PASD1: variants seen among roughly 807,000 people sequenced by gnomAD.
The protein encoded by PASD1 is circadian clock protein PASD1.
A neutral mutation model predicts 58.8 loss-of-function variants in PASD1; 13 were observed. The observed-to-expected ratio is 0.22, with a 90% CI of 0.14 to 0.35. PASD1 has a LOEUF of 0.35. Among genes scored for constraint, PASD1 ranks in the 10% least tolerant of loss-of-function variants. The pLI is 1.00. For synonymous variants in PASD1, 236 were observed against 216.7 expected, an observed-to-expected ratio of 1.09 and a Z score of -0.78; for missense variants, 734 against 568.3, an observed-to-expected ratio of 1.29 and a Z score of -2.96.
intron 1 of PASD1, among the ~76,000 whole-genome samples, chrX:151,576,969 A>G (rs995754356): frequency 3.6e-5 from 4 of 111,586 alleles, no homozygotes; most frequent in Admixed American, 9.5e-5. Flanking sequence ...TTCTCACCCA[A>G]CTCTTTCAAA....
chrX:151,579,415 G>C (rs886327334), intron 1 of PASD1, among the ~76,000 whole-genome samples: 6 of 111,799 alleles, frequency 5.4e-5, no homozygotes, highest in Admixed American at 2.9e-4. Flanking sequence ...AGTAATAATA[G>C]AAGTTTTAAA....
intron 1 of PASD1, among the ~76,000 whole-genome samples, chrX:151,578,539 G>T (rs2124227745): frequency 8.9e-6 from 1 of 112,495 alleles, no homozygotes; most frequent in African/African-American, 3.2e-5. Flanking sequence ...TGGCAGGTTT[G>T]AAGGCATCAA....
At chrX:151,667,802 A>G (rs1389286061) in intron 11 of PASD1, among the ~76,000 whole-genome samples, 1 of 112,001 alleles carries the variant, frequency 8.9e-6, no homozygotes, top group East Asian at 2.8e-4. Context: ...TATAGTTTGA[A>G]GTCAGGTAGC....
At chrX:151,646,003 C>T (rs1277182764) in intron 8 of PASD1, among the ~76,000 whole-genome samples, 2 of 110,387 alleles carry the variant, frequency 1.8e-5, no homozygotes, top group Non-Finnish European at 3.8e-5. Flanking sequence ...CTTGACCTCC[C>T]CGGCTCAAGT....
chrX:151,675,231 G>T (rs930281236), intron 15 of PASD1, among the ~76,000 whole-genome samples: 2 of 111,815 alleles, frequency 1.8e-5, no homozygotes, highest in African/African-American at 3.3e-5. Context: ...GACCAAGTCG[G>T]AGCTTTCCTG....
intron 1 of PASD1, among the ~76,000 whole-genome samples, chrX:151,598,277 T>C (rs1365857836): frequency 8.9e-6 from 1 of 111,997 alleles, no homozygotes; most frequent in Non-Finnish European, 1.9e-5. Flanking sequence ...TATTGATTTC[T>C]AATTTAATTG....
At chrX:151,570,462 TA>T (rs2012912064) in intron 1 of PASD1, among the ~76,000 whole-genome samples, 2 of 112,453 alleles carry the variant, frequency 1.8e-5, no homozygotes, top group Admixed American at 1.9e-4. Flanking sequence ...AATTTCCTTT[TA>T]AAAAATGAAA....
intron 3 of PASD1, among the ~76,000 whole-genome samples, chrX:151,607,702 T>C (rs1017127197): frequency 1.8e-5 from 2 of 112,067 alleles, no homozygotes; most frequent in Non-Finnish European, 3.8e-5. Flanking sequence ...ACACCCAGGA[T>C]GTTAGCAATT....
chrX:151,600,269 G>A (rs2013396021), intron 1 of PASD1, among the ~76,000 whole-genome samples: 1 of 108,267 alleles, frequency 9.2e-6, no homozygotes, highest in East Asian at 2.9e-4. Flanking sequence ...AGAGAGACGA[G>A]GGAGAGGGAG....
At chrX:151,575,898 C>G (rs923048648) in intron 1 of PASD1, among the ~76,000 whole-genome samples, 5 of 110,767 alleles carry the variant, frequency 4.5e-5, no homozygotes, top group Non-Finnish European at 9.5e-5. Flanking sequence ...GAGTCTCACC[C>G]TGTCACCCAA....
At chrX:151,568,091 C>T (rs2012874235) in intron 1 of PASD1, among the ~76,000 whole-genome samples, 1 of 112,278 alleles carries the variant, frequency 8.9e-6, no homozygotes, top group African/African-American at 3.2e-5. Context: ...TGAAACTTTA[C>T]ATTTGCCCCT....
intron 8 of PASD1, among the ~76,000 whole-genome samples, chrX:151,643,214 C>G (rs1170571793): frequency 8.9e-6 from 1 of 111,902 alleles, no homozygotes; most frequent in Non-Finnish European, 1.9e-5. Context: ...GGAAAATTTC[C>G]TATTAGCAGA....
At chrX:151,583,244 CATG>C (rs1410598721) in intron 1 of PASD1, among the ~76,000 whole-genome samples, 2 of 112,244 alleles carry the variant, frequency 1.8e-5, no homozygotes, top group African/African-American at 6.5e-5. Context: ...CCATTTTCCT[CATG>C]TGTAAAATGG....
At chrX:151,636,871 A>C (rs1189798982) in intron 8 of PASD1, among the ~76,000 whole-genome samples, 1 of 110,976 alleles carries the variant, frequency 9.0e-6, no homozygotes, top group Non-Finnish European at 1.9e-5. Flanking sequence ...CCCTCAAAAA[A>C]CTTCCTTGTC....
intron 15 of PASD1, among the ~76,000 whole-genome samples, chrX:151,674,938 T>C (rs996375705): frequency 4.5e-5 from 5 of 111,837 alleles, no homozygotes; most frequent in Middle Eastern, 4.7e-3. Flanking sequence ...TATTTTCACA[T>C]ATACCCCTTG....
intron 3 of PASD1, among the ~76,000 whole-genome samples, chrX:151,605,036 G>A (rs187028109): frequency 1.0e-3 from 112 of 112,016 alleles, no homozygotes; most frequent in African/African-American, 3.4e-3. Flanking sequence ...TTATCTGGTA[G>A]ACTAGTTCAA....
chrX:151,625,564 C>G (rs376588842), intron 8 of PASD1, 34 bp downstream of exon 8: 8 of 1,043,793 alleles, frequency 7.7e-6, no homozygotes, highest in Non-Finnish European at 9.2e-6. Flanking sequence ...TAATGAAGAT[C>G]TAGAATTCAA....
rs1364335489 is a variant in PASD1 at position 151,563,824 on chromosome X, GA to G, written c.-41del. 1 of 112,357 alleles carries G rather than the reference GA, an allele frequency of 8.9e-6. No homozygotes were observed. Among genetic ancestry groups the G allele is most frequent in the East Asian group, 2.8e-4 (1 of 3,547 alleles). 9.3% of individuals were successfully genotyped at this position (112,357 alleles called of 1,213,427 possible). A position where few individuals can be genotyped will look rare whatever the true frequency, so the allele number is the denominator to read the frequency against. ...CCAAGTCCCTGCGGCCTCCAGCAGT[GA>G]AGAGTTCCACAAGGGTGAGTGAAGT... On this transcript the variant is annotated 5_prime_UTR_variant, in exon 1 of 16. Coordinates refer to ENST00000370357, the MANE Select transcript of PASD1 (RefSeq NM_173493.3).
chrX:151,653,399 C>T (rs1404391802), intron 9 of PASD1, among the ~76,000 whole-genome samples: 1 of 109,451 alleles, frequency 9.1e-6, no homozygotes, highest in African/African-American at 3.3e-5. Flanking sequence ...ACCGTGTTGG[C>T]CAGGCTGGTC....
Sources: gnomAD v4.1 joint callset for allele counts (sites outside exome capture counted in the v4.1 genomes callset) on GRCh38, gnomAD v4.1.1 for gene constraint, MANE v1.5 for transcripts, NCBI Gene and HGNC (gene_info 2026-07-23, HGNC 2026-07-21) for gene names.